The following RAPGEF2 variants were observed in gnomAD, a reference collection of about 807,000 sequenced individuals.
The protein encoded by RAPGEF2 is PDZ domain containing guanine nucleotide exchange factor (GEF) 1.
Under a neutral mutation model 186.7 loss-of-function variants are expected in RAPGEF2, and 54 were observed. That is an observed-to-expected ratio of 0.29 (90% CI 0.23 to 0.36). The LOEUF (loss-of-function observed/expected upper bound fraction) is 0.36, where lower values mean the gene tolerates loss of function less well. Ranked by LOEUF, RAPGEF2 falls within the 10% of genes least tolerant of loss-of-function variation. The pLI, the probability that RAPGEF2 is intolerant of heterozygous loss-of-function variation, is 1.00. For missense variants in RAPGEF2, 1,532 were observed against 2,045.0 expected, an observed-to-expected ratio of 0.75 and a Z score of 4.84; for synonymous variants, 712 against 705.9, an observed-to-expected ratio of 1.01 and a Z score of -0.14.
chr4:159,161,179 G>A (rs1356180932), intron 1 of RAPGEF2, among the ~76,000 whole-genome samples: 3 of 152,150 alleles, frequency 2.0e-5, no homozygotes, highest in East Asian at 3.8e-4. Flanking sequence ...TGAGATTCAT[G>A]TATTAATTTG....
chr4:159,145,706 A>G (rs1455746622), intron 1 of RAPGEF2, among the ~76,000 whole-genome samples: 1 of 152,194 alleles, frequency 6.6e-6, no homozygotes, highest in Non-Finnish European at 1.5e-5. Flanking sequence ...AGGTATAGAA[A>G]ATATATGTTT....
At chr4:159,336,437 C>T (rs190770474) in intron 17 of RAPGEF2, among the ~76,000 whole-genome samples, 104 of 152,282 alleles carry the variant, frequency 6.8e-4, no homozygotes, top group Non-Finnish European at 9.7e-4. Flanking sequence ...TGGTTTTCCA[C>T]CATTATATCA....
At chr4:159,180,881 T>A (rs1192630519) in intron 1 of RAPGEF2, among the ~76,000 whole-genome samples, 2 of 152,216 alleles carry the variant, frequency 1.3e-5, no homozygotes, top group Non-Finnish European at 2.9e-5. Flanking sequence ...CCTGATTGAT[T>A]TACTTATGTC....
intron 7 of RAPGEF2, among the ~76,000 whole-genome samples, chr4:159,268,647 G>A (rs1283200077): frequency 6.6e-6 from 1 of 152,100 alleles, no homozygotes; most frequent in Non-Finnish European, 1.5e-5. Flanking sequence ...TTTGGTTATT[G>A]ATTTGGTAAT....
chr4:159,214,405 T>C (rs1158583948), intron 4 of RAPGEF2, among the ~76,000 whole-genome samples: 1 of 152,238 alleles, frequency 6.6e-6, no homozygotes, highest in African/African-American at 2.4e-5. Flanking sequence ...TAGATGAAGA[T>C]TATCTTATGA....
rs2111161669 is a variant in RAPGEF2, at chr4:159,323,558, C to T, written c.1090C>T (p.Pro364Ser). Residue 364 changes from proline to serine, a missense_variant, in exon 11 of 30, where the codon CCT becomes TCT. Physicochemically the swap from Pro to Ser is moderately conservative, Grantham distance 74. Around this residue, in one of 4 missense-constraint regions of RAPGEF2, gnomAD observed 810 missense variants for 1,210.5 expected, o/e 0.67. Transcript: ENST00000691494. ...LCMGNSFGVS[P>S]TMDKEYMKGV... is the part of the protein sequence containing the mutation. ...CATGGGAAATAGTTTTGGTGTCTCTCCTACCATGGACAAAGAATACATGAA... is the reference window on the plus strand; with the variant it reads ...CATGGGAAATAGTTTTGGTGTCTCTTCTACCATGGACAAAGAATACATGAA... 6.2e-7 allele frequency: 1 copy of T among 1,612,362 alleles called. No homozygotes were observed. Among genetic ancestry groups the T allele is most frequent in the Non-Finnish European group, 8.5e-7 (1 of 1,179,094 alleles).
chr4:159,246,281 A>G (rs1357830435), intron 7 of RAPGEF2, among the ~76,000 whole-genome samples: 1 of 152,208 alleles, frequency 6.6e-6, no homozygotes, highest in Non-Finnish European at 1.5e-5. Flanking sequence ...TTAAATTAAT[A>G]TAATGTAAAT....
intron 26 of RAPGEF2, among the ~76,000 whole-genome samples, chr4:159,351,545 T>C (rs1201557851): frequency 6.6e-6 from 1 of 152,172 alleles, no homozygotes; most frequent in South Asian, 2.1e-4. Flanking sequence ...AAATTTGCAT[T>C]GCATATAAGA....
rs1755128445 is a variant in RAPGEF2, at chr4:159,250,115, G to A, written c.543+6324G>A. ...AACCTTACTAAATAATTTTATTATAGCAGTTTCTTATGGACTCAGTAAATG... is the reference window on the plus strand; with the variant it reads ...AACCTTACTAAATAATTTTATTATAACAGTTTCTTATGGACTCAGTAAATG... On this transcript the variant is annotated intron_variant, in intron 7 of 29. Transcript: ENST00000691494. Among the ~76,000 whole-genome samples, 6 of 152,114 alleles carry A rather than the reference G, an allele frequency of 3.9e-5. No individual in the cohort carries two copies. In the South Asian group the frequency reaches 1.2e-3, roughly 32 times the overall value.
At chr4:159,304,759 G>C (rs1415590309) in intron 8 of RAPGEF2, among the ~76,000 whole-genome samples, 1 of 152,020 alleles carries the variant, frequency 6.6e-6, no homozygotes, top group Non-Finnish European at 1.5e-5. Context: ...TTGCATAGTG[G>C]TGAAGTCAGG....
chr4:159,112,930 T>C lies in RAPGEF2; in HGVS notation c.69+8699T>C, dbSNP rs138794530. Among the ~76,000 whole-genome samples, 888 of 152,282 alleles carry C rather than the reference T, an allele frequency of 5.8e-3. 8 individuals are homozygous for C. The highest frequency in any genetic ancestry group is 0.02 in the African/African-American group (841 of 41,552). On this transcript the variant is annotated intron_variant, in intron 1 of 29. Transcript: ENST00000691494. ...ACCAGATCATCAAAGTTAATATCAT[T>C]AGTAATAAGACATGTCAACATCATG...
chr4:159,286,507 T>C (rs1247938373), intron 7 of RAPGEF2, among the ~76,000 whole-genome samples: 2 of 152,192 alleles, frequency 1.3e-5, no homozygotes, highest in Non-Finnish European at 2.9e-5. Context: ...ATTTCTGTGA[T>C]TTTAAAACTC....
intron 8 of RAPGEF2, among the ~76,000 whole-genome samples, chr4:159,307,989 T>C (rs1763512915): frequency 6.6e-6 from 1 of 152,074 alleles, no homozygotes; most frequent in African/African-American, 2.4e-5. Flanking sequence ...AAAAAGTAAC[T>C]TGTTTGTATA....
At chr4:159,245,400 T>C (rs1426161039) in intron 7 of RAPGEF2, among the ~76,000 whole-genome samples, 2 of 152,004 alleles carry the variant, frequency 1.3e-5, no homozygotes, top group African/African-American at 4.8e-5. Context: ...AGATTTAGCA[T>C]GAATTTTCAG....
At chr4:159,183,930 C>G (rs946264020) in intron 1 of RAPGEF2, among the ~76,000 whole-genome samples, 1 of 152,096 alleles carries the variant, frequency 6.6e-6, no homozygotes. Flanking sequence ...TGTGATGTTC[C>G]CCACCCTGTG....
chr4:159,347,764 G>T (rs1730547967), intron 25 of RAPGEF2, among the ~76,000 whole-genome samples: 1 of 152,238 alleles, frequency 6.6e-6, no homozygotes, highest in Non-Finnish European at 1.5e-5. Context: ...TCCAGCCTGG[G>T]CGAAAGAGCG....
intron 2 of RAPGEF2, among the ~76,000 whole-genome samples, chr4:159,189,746 A>G (rs756746303): frequency 1.3e-5 from 2 of 152,196 alleles, no homozygotes; most frequent in Non-Finnish European, 2.9e-5. Flanking sequence ...GCATTTTGGT[A>G]CTTGATTCCT....
At chr4:159,155,106 C>G (rs977995116) in intron 1 of RAPGEF2, among the ~76,000 whole-genome samples, 1 of 152,026 alleles carries the variant, frequency 6.6e-6, no homozygotes, top group African/African-American at 2.4e-5. Flanking sequence ...GTAAATCTCC[C>G]CAGAGATTAA....
At chr4:159,345,403 G>A in intron 24 of RAPGEF2, 74 bp downstream of exon 24, 2 of 1,400,162 alleles carry the variant, frequency 1.4e-6, no homozygotes, top group African/African-American at 1.4e-5. Flanking sequence ...GGTATGGGCA[G>A]TGACAAAATA....
Sources: gnomAD v4.1 joint callset for allele counts (sites outside exome capture counted in the v4.1 genomes callset) on GRCh38, gnomAD v4.1.1 for gene constraint, gnomAD v4.1.1 regional missense constraint, MANE v1.5 for transcripts, NCBI Gene and HGNC (gene_info 2026-07-23, HGNC 2026-07-21) for gene names.